ADGRB3: variants seen among roughly 807,000 people sequenced by gnomAD.
ADGRB3 encodes the protein brain-specific angiogenesis inhibitor 3.
Under a neutral mutation model 193.4 loss-of-function variants are expected in ADGRB3, and 37 were observed. That is an observed-to-expected ratio of 0.19 (90% CI 0.15 to 0.25). ADGRB3 has a LOEUF of 0.25. Ranked by LOEUF, ADGRB3 falls within the 10% of genes least tolerant of loss-of-function variation. ADGRB3 has a pLI of 1.00. For missense variants in ADGRB3, 1,637 were observed against 1,852.9 expected (o/e 0.88, Z 2.14); for synonymous variants, 690 against 644.2 (o/e 1.07, Z -1.08).
intron 10 of ADGRB3, among the ~76,000 whole-genome samples, chr6:68,982,465 A>G (rs1466884314): frequency 2.0e-5 from 3 of 152,288 alleles, no homozygotes; most frequent in South Asian, 4.1e-4. Flanking sequence ...TGTAGAGCCT[A>G]TATGTGCCCA....
intron 10 of ADGRB3, among the ~76,000 whole-genome samples, chr6:68,985,782 C>T (rs903886904): frequency 6.6e-6 from 1 of 152,120 alleles, no homozygotes; most frequent in African/African-American, 2.4e-5. Context: ...CCTATTCTGA[C>T]TGGTGTACAA....
intron 3 of ADGRB3, among the ~76,000 whole-genome samples, chr6:68,887,058 A>AATAT (rs201706226): frequency 2.7e-5 from 4 of 150,860 alleles, no homozygotes; most frequent in Admixed American, 6.6e-5. Flanking sequence ...CTCTGTTGTA[A>AATAT]ATATATATAT....
chr6:68,883,756 C>G (rs1051519447), intron 3 of ADGRB3, among the ~76,000 whole-genome samples: 1 of 152,182 alleles, frequency 6.6e-6, no homozygotes, highest in Admixed American at 6.5e-5. Context: ...ACGCCGGACA[C>G]GTCACCTTTA....
intron 17 of ADGRB3, among the ~76,000 whole-genome samples, chr6:69,100,930 G>A (rs770308538): frequency 0.011 from 58 of 5,518 alleles, no homozygotes; most frequent in East Asian, 0.068. Context: ...AGGAAGGAGG[G>A]AGGGAGGGAA....
chr6:68,835,074 GT>G (rs537138098), intron 3 of ADGRB3, among the ~76,000 whole-genome samples: 46 of 152,154 alleles, frequency 3.0e-4, no homozygotes, highest in Admixed American at 7.9e-4. Context: ...GTAGGAGAAA[GT>G]TTTTTTGTCA....
At chr6:68,916,271 A>G (rs1248016026) in intron 3 of ADGRB3, among the ~76,000 whole-genome samples, 1 of 152,210 alleles carries the variant, frequency 6.6e-6, no homozygotes, top group African/African-American at 2.4e-5. Context: ...TGGGATAAAC[A>G]CTAATGTAAA....
chr6:68,811,600 C>T (rs1383270882), intron 3 of ADGRB3, among the ~76,000 whole-genome samples: 1 of 151,984 alleles, frequency 6.6e-6, no homozygotes, highest in East Asian at 1.9e-4. Flanking sequence ...TCCCAAGTAG[C>T]TGGAATTACA....
intron 20 of ADGRB3, among the ~76,000 whole-genome samples, chr6:69,248,988 T>C (rs1766555831): frequency 6.6e-6 from 1 of 151,754 alleles, no homozygotes; most frequent in South Asian, 2.1e-4. Context: ...CTTCTTTTTC[T>C]TTTTTTTGAA....
At chr6:68,678,470 C>A (rs192241625) in intron 3 of ADGRB3, among the ~76,000 whole-genome samples, 1 of 152,276 alleles carries the variant, frequency 6.6e-6, no homozygotes, top group East Asian at 1.9e-4. Flanking sequence ...CCTTGTCCAC[C>A]CCTTCAGCCC....
chr6:69,342,973 C>G (rs1280216220), intron 26 of ADGRB3, among the ~76,000 whole-genome samples: 1 of 151,646 alleles, frequency 6.6e-6, no homozygotes, highest in African/African-American at 2.4e-5. Flanking sequence ...TCTCTAATGA[C>G]TGTCCCAATA....
chr6:68,921,516 C>T (rs1248720412), intron 3 of ADGRB3, among the ~76,000 whole-genome samples: 2 of 152,130 alleles, frequency 1.3e-5, no homozygotes, highest in Non-Finnish European at 2.9e-5. Context: ...ACACTAAACA[C>T]TTCGGTGGGG....
chr6:69,306,869 T>C lies in ADGRB3; in HGVS notation c.2815-18003T>C, dbSNP rs754162398. Among the ~76,000 whole-genome samples the C allele has an allele frequency of 7.6e-4, 115 of 151,538 alleles. 1 individual carries two copies. Among genetic ancestry groups the C allele is most frequent in the Non-Finnish European group, 1.4e-3 (98 of 67,802 alleles). On this transcript the variant is annotated intron_variant, in intron 20 of 31. Coordinates refer to ENST00000370598, the MANE Select transcript of ADGRB3 (RefSeq NM_001704.3). ...GGAACATGAAAAGGTGTATCACAGA[T>C]TTAAGAGAGCAAGCAAGATTTCTCA...
At position 69,123,601 on chromosome 6, in the gene ADGRB3, A is replaced by C. The variant is rs575214282; in HGVS notation, c.2480+47563A>C. Among the ~76,000 whole-genome samples, 6 of 152,308 alleles carry C rather than the reference A, an allele frequency of 3.9e-5. No homozygotes were observed. The South Asian group carries it at 1.2e-3, about 32-fold the overall frequency. On this transcript the variant is annotated intron_variant, in intron 17 of 31. Coordinates refer to ENST00000370598, the MANE Select transcript of ADGRB3 (RefSeq NM_001704.3). Reference sequence around the variant, plus strand: ...TATATAGAAAGATAAAGCAGGAGAGAAACGTATCAATAATGGGGTGATAAG... The same window carrying C: ...TATATAGAAAGATAAAGCAGGAGAGCAACGTATCAATAATGGGGTGATAAG...
chr6:69,264,796 G>T (rs78225806), intron 20 of ADGRB3, among the ~76,000 whole-genome samples: 1 of 151,780 alleles, frequency 6.6e-6, no homozygotes, highest in Admixed American at 6.6e-5. Flanking sequence ...GAAAAAAAAA[G>T]TGTATCTATT....
At chr6:68,693,225 T>C (rs994707780) in intron 3 of ADGRB3, among the ~76,000 whole-genome samples, 1 of 151,820 alleles carries the variant, frequency 6.6e-6, no homozygotes, top group African/African-American at 2.4e-5. Context: ...ATTGATAGAA[T>C]TTTGAAACTT....
intron 17 of ADGRB3, among the ~76,000 whole-genome samples, chr6:69,176,608 C>T (rs1469653070): frequency 6.6e-6 from 1 of 151,998 alleles, no homozygotes; most frequent in Non-Finnish European, 1.5e-5. Flanking sequence ...GGTGTCTTTG[C>T]CAGCTTTGGT....
intron 3 of ADGRB3, among the ~76,000 whole-genome samples, chr6:68,884,384 G>A (rs574493609): frequency 6.6e-6 from 1 of 152,262 alleles, no homozygotes; most frequent in Admixed American, 6.5e-5. Context: ...AGGGTGTCAG[G>A]AGATAAAATA....
intron 3 of ADGRB3, among the ~76,000 whole-genome samples, chr6:68,842,872 C>A (rs1768188010): frequency 6.6e-6 from 1 of 151,918 alleles, no homozygotes; most frequent in African/African-American, 2.4e-5. Context: ...TCAATGTATG[C>A]AAATCAATCA....
intron 3 of ADGRB3, among the ~76,000 whole-genome samples, chr6:68,694,283 G>C (rs1765122183): frequency 6.6e-6 from 1 of 151,998 alleles, no homozygotes; most frequent in African/African-American, 2.4e-5. Flanking sequence ...TTATAAGAAA[G>C]TATACAGAGG....
Sources: allele counts gnomAD v4.1 joint callset (sites outside exome capture counted in the v4.1 genomes callset), GRCh38; gene constraint gnomAD v4.1.1; transcripts MANE v1.5; gene names NCBI Gene and HGNC (gene_info 2026-07-23, HGNC 2026-07-21).